Variants in SLIT3 observed in about 807,000 individuals in gnomAD.
SLIT3 encodes the protein slit homolog 3 protein.
In SLIT3, 68 loss-of-function variants were observed where a neutral mutation model predicts 184.0. That is an observed-to-expected ratio of 0.37 (90% CI 0.30 to 0.45). The LOEUF is 0.45. SLIT3 is among the 20% of genes least tolerant of loss of function. SLIT3 has a pLI of 1.00. For missense variants in SLIT3, 1,707 were observed against 2,026.0 expected (o/e 0.84, Z 3.02); for synonymous variants, 831 against 828.6 (o/e 1.00, Z -0.05).
intron 6 of SLIT3, among the ~76,000 whole-genome samples, chr5:168,840,134 G>A (rs1041857271): frequency 2.6e-5 from 4 of 152,162 alleles, no homozygotes; most frequent in Admixed American, 6.5e-5. Context: ...AACAGCACAC[G>A]CCGGTTATCT....
intron 5 of SLIT3, among the ~76,000 whole-genome samples, chr5:168,868,317 G>T (rs1391213515): frequency 6.6e-6 from 1 of 152,100 alleles, no homozygotes; most frequent in Non-Finnish European, 1.5e-5. Flanking sequence ...TTTGAGTCAG[G>T]TCTCACTGTG....
At chr5:168,773,611 TG>T (rs771106014) in intron 13 of SLIT3, among the ~76,000 whole-genome samples, 2 of 152,060 alleles carry the variant, frequency 1.3e-5, no homozygotes, top group Non-Finnish European at 2.9e-5. Context: ...GACCTGGGCA[TG>T]GGGCTGAGGT....
chr5:169,008,686 A>T (rs1369115955), intron 4 of SLIT3, among the ~76,000 whole-genome samples: 1 of 152,154 alleles, frequency 6.6e-6, no homozygotes, highest in Non-Finnish European at 1.5e-5. Flanking sequence ...ATAAAAATAG[A>T]GACAGGGTCT....
chr5:168,953,799 G>C (rs767604329), intron 4 of SLIT3, among the ~76,000 whole-genome samples: 1 of 152,128 alleles, frequency 6.6e-6, no homozygotes, highest in Non-Finnish European at 1.5e-5. Flanking sequence ...ATTTACTCTC[G>C]GCCCAGGGAA....
chr5:169,276,269 G>T (rs1448557238), intron 1 of SLIT3, among the ~76,000 whole-genome samples: 3 of 151,998 alleles, frequency 2.0e-5, no homozygotes, highest in Non-Finnish European at 4.4e-5. Context: ...TCTCCCAGAT[G>T]CCAGCTGCGA....
At chr5:168,687,829 A>T (rs1761792549) in intron 29 of SLIT3, among the ~76,000 whole-genome samples, 1 of 152,212 alleles carries the variant, frequency 6.6e-6, no homozygotes, top group Non-Finnish European at 1.5e-5. Context: ...CCAGGATGAG[A>T]AAGGCAAAAA....
At chr5:168,918,616 G>A (rs1761526132) in intron 4 of SLIT3, among the ~76,000 whole-genome samples, 1 of 152,152 alleles carries the variant, frequency 6.6e-6, no homozygotes, top group South Asian at 2.1e-4. Flanking sequence ...TTAGTGGTTT[G>A]GATCCATAAA....
chr5:168,803,476 G>A (rs1396860016), intron 9 of SLIT3, among the ~76,000 whole-genome samples: 1 of 152,220 alleles, frequency 6.6e-6, no homozygotes, highest in East Asian at 1.9e-4. Flanking sequence ...CAACCTTTCA[G>A]GTATGGTCTG....
chr5:168,941,184 G>A (rs919826735), intron 4 of SLIT3, among the ~76,000 whole-genome samples: 2 of 152,120 alleles, frequency 1.3e-5, no homozygotes, highest in Non-Finnish European at 2.9e-5. Flanking sequence ...CTTCCACAAA[G>A]TTTGGGATTG....
At chr5:169,174,981 CTG>C (rs1261104324) in intron 4 of SLIT3, among the ~76,000 whole-genome samples, 1 of 152,158 alleles carries the variant, frequency 6.6e-6, no homozygotes, top group East Asian at 1.9e-4. Context: ...TGGCTCCTGA[CTG>C]TGTGTTCCAT....
intron 4 of SLIT3, among the ~76,000 whole-genome samples, chr5:169,000,819 G>T (rs1423659078): frequency 6.6e-6 from 1 of 152,122 alleles, no homozygotes; most frequent in Non-Finnish European, 1.5e-5. Flanking sequence ...AATTACAACT[G>T]ACCCGACAAC....
At chr5:168,849,392 T>A (rs1343960341) in intron 5 of SLIT3, among the ~76,000 whole-genome samples, 2 of 152,240 alleles carry the variant, frequency 1.3e-5, no homozygotes, top group Non-Finnish European at 2.9e-5. Flanking sequence ...GAGAAGTAGC[T>A]AAGGCTCAGC....
rs150459416 is a variant in SLIT3 at position 169,268,444 on chromosome 5, G to A, written c.198-16985C>T. The stretch of plus-strand genomic sequence containing the variant: ...TCTTTCCTTGCTGGAGACAGCAGAA[G>A]TGGCCCTCACTTGCAGGCGGAACTC... On this transcript the variant is annotated intron_variant, in intron 1 of 35. Transcript: ENST00000519560. Among the ~76,000 whole-genome samples the A allele has an allele frequency of 1.8e-3, 281 of 152,358 alleles. 1 individual carries two copies. The highest frequency in any genetic ancestry group is 3.1e-3 in the Non-Finnish European group (213 of 68,038).
intron 4 of SLIT3, among the ~76,000 whole-genome samples, chr5:168,935,309 TC>T (rs1762125905): frequency 6.6e-6 from 1 of 152,058 alleles, no homozygotes; most frequent in Non-Finnish European, 1.5e-5. Context: ...TCTCTCCACT[TC>T]CTAAAGTCTG....
chr5:168,885,333 T>A (rs1760151928), intron 4 of SLIT3, among the ~76,000 whole-genome samples: 2 of 152,186 alleles, frequency 1.3e-5, no homozygotes, highest in African/African-American at 4.8e-5. Context: ...CAATGAGCGC[T>A]GTCTCAGGCT....
intron 4 of SLIT3, among the ~76,000 whole-genome samples, chr5:169,163,574 A>G (rs141684843): frequency 6.6e-6 from 1 of 152,304 alleles, no homozygotes; most frequent in East Asian, 1.9e-4. Context: ...AGGAACAACC[A>G]AAATGCAACT....
At position 169,131,475 on chromosome 5, in the gene SLIT3, G is replaced by A. The variant is rs1000153640; in HGVS notation, c.413+62004C>T. Among the ~76,000 whole-genome samples the A allele has an allele frequency of 2.6e-5, 4 of 152,262 alleles. No homozygotes were observed. The South Asian group carries it at 8.3e-4, about 32-fold the overall frequency. ...AGATGAGAACCACTAAATTAGCAGG[G>A]TCTTCTGAGAAGGGCTCTTGTCCCA... On this transcript the variant is annotated intron_variant, in intron 4 of 35. Coordinates refer to ENST00000519560, the MANE Select transcript of SLIT3 (RefSeq NM_003062.4).
At chr5:169,088,940 T>C (rs1008151626) in intron 4 of SLIT3, among the ~76,000 whole-genome samples, 3 of 140,750 alleles carry the variant, frequency 2.1e-5, no homozygotes, top group Non-Finnish European at 4.5e-5. Flanking sequence ...GAATCGCTCG[T>C]ACCTGGGAGG....
chr5:169,142,842 T>C (rs920263406), intron 4 of SLIT3, among the ~76,000 whole-genome samples: 12 of 152,372 alleles, frequency 7.9e-5, no homozygotes, highest in Admixed American at 3.9e-4. Flanking sequence ...GATAGGCATG[T>C]ACTCCAAGCT....
Sources: gnomAD v4.1 joint callset for allele counts (sites outside exome capture counted in the v4.1 genomes callset) on GRCh38, gnomAD v4.1.1 for gene constraint, MANE v1.5 for transcripts, NCBI Gene and HGNC (gene_info 2026-07-23, HGNC 2026-07-21) for gene names.